The following ASAP1 variants were observed in gnomAD, a reference collection of about 807,000 sequenced individuals.
ASAP1 encodes the protein ArfGAP with SH3 domain, ankyrin repeat and PH domain 1.
ASAP1 carries 43 observed loss-of-function variants against 145.2 expected under a neutral mutation model. The ratio of observed to expected loss-of-function variants is 0.30; its 90% CI spans 0.23 to 0.38. ASAP1 has a LOEUF of 0.38. Ranked by LOEUF, ASAP1 falls within the 10% of genes least tolerant of loss-of-function variation. ASAP1 has a pLI of 1.00. For missense variants in ASAP1, 1,018 were observed against 1,355.3 expected (o/e 0.75, Z 3.91); for synonymous variants, 546 against 515.5 (o/e 1.06, Z -0.80).
chr8:130,101,323 C>T (rs2097528358), intron 24 of ASAP1, among the ~76,000 whole-genome samples: 1 of 152,086 alleles, frequency 6.6e-6, no homozygotes, highest in Admixed American at 6.6e-5. Flanking sequence ...TGAGGAATGT[C>T]ATTAGTATTT....
intron 24 of ASAP1, among the ~76,000 whole-genome samples, chr8:130,100,877 C>T (rs1204331082): frequency 6.6e-6 from 1 of 152,144 alleles, no homozygotes; most frequent in African/African-American, 2.4e-5. Flanking sequence ...GTTGCCTGTG[C>T]TTTTGATGTG....
chr8:130,170,222 C>T (rs1035256743), intron 9 of ASAP1, among the ~76,000 whole-genome samples: 4 of 151,574 alleles, frequency 2.6e-5, no homozygotes, highest in South Asian at 2.1e-4. Flanking sequence ...AGTCTCTCTT[C>T]GTTGCCCAGG....
intron 3 of ASAP1, among the ~76,000 whole-genome samples, chr8:130,335,753 G>C (rs1342432716): frequency 6.6e-6 from 1 of 152,202 alleles, no homozygotes; most frequent in Non-Finnish European, 1.5e-5. Flanking sequence ...GTCAGGGAGA[G>C]ATAGTCTGAG....
At chr8:130,185,743 AAAAAAGAAAAAG>A (rs1554841935) in intron 7 of ASAP1, among the ~76,000 whole-genome samples, 1 of 150,856 alleles carries the variant, frequency 6.6e-6, no homozygotes, top group Non-Finnish European at 1.5e-5. Flanking sequence ...AAAAAAAAAA[AAAAAAGAAAAAG>A]AAAAAGAAAA....
chr8:130,091,643 T>C (rs1463322365), intron 25 of ASAP1, among the ~76,000 whole-genome samples: 1 of 152,226 alleles, frequency 6.6e-6, no homozygotes, highest in African/African-American at 2.4e-5. Flanking sequence ...CTGGCTGTTG[T>C]GAGGAAAATG....
In ASAP1 at chr8:130,116,865, T is replaced by G; in HGVS notation, c.1996+15A>C. ...ACGCTTACTACAGTCATGAAGACAC[T>G]AGACACACTCTTACCTATATCCACA... On this transcript the variant is annotated intron_variant, in intron 21 of 29. Transcript: ENST00000518721. 1.2e-6 allele frequency: 2 copies of G among 1,604,392 alleles called. No homozygotes were observed. Among genetic ancestry groups the G allele is most frequent in the Non-Finnish European group, 8.5e-7 (1 of 1,171,534 alleles).
At chr8:130,190,954 G>A (rs1051034998) in intron 5 of ASAP1, among the ~76,000 whole-genome samples, 2 of 152,136 alleles carry the variant, frequency 1.3e-5, no homozygotes, top group African/African-American at 4.8e-5. Flanking sequence ...TGGGGACAGG[G>A]ACTTTGACTT....
chr8:130,172,482 T>C (rs1813656152), intron 9 of ASAP1, among the ~76,000 whole-genome samples: 1 of 152,204 alleles, frequency 6.6e-6, no homozygotes, highest in Non-Finnish European at 1.5e-5. Flanking sequence ...CCCAATTTTT[T>C]TTTTTAAAGG....
At chr8:130,178,337 C>T (rs1814108330) in intron 9 of ASAP1, among the ~76,000 whole-genome samples, 1 of 152,060 alleles carries the variant, frequency 6.6e-6, no homozygotes, top group South Asian at 2.1e-4. Context: ...CCATGTGTAG[C>T]TGGCACATTT....
intron 2 of ASAP1, among the ~76,000 whole-genome samples, chr8:130,378,255 A>G (rs1414282382): frequency 6.6e-6 from 1 of 152,240 alleles, no homozygotes; most frequent in South Asian, 2.1e-4. Context: ...ATTCCTATAT[A>G]GTTAATGGTG....
intron 27 of ASAP1, among the ~76,000 whole-genome samples, chr8:130,071,482 G>A (rs1451430658): frequency 1.3e-5 from 2 of 152,230 alleles, no homozygotes; most frequent in African/African-American, 4.8e-5. Context: ...GGAGTGGACT[G>A]AGGAGCTACT....
At position 130,179,266 on chromosome 8, in the gene ASAP1, G is replaced by A; in HGVS notation, c.744C>T (p.Cys248=). ...AATGCTTGCAATATTCTACTCACTT[G>A]CACTGTGCATGGTAATACTTTATAA... ...QNLIKYYHAQ[C]NFFQDGLKTA... The change falls in exon 9 of 30, where the codon TGC becomes TGT. Residue 248 remains cysteine (C), a splice_region_variant and synonymous_variant. Coordinates refer to ENST00000518721, the MANE Select transcript of ASAP1 (RefSeq NM_018482.4). 6.3e-7 allele frequency: 1 copy of A among 1,592,124 alleles called. No homozygotes were observed. Among genetic ancestry groups the A allele is most frequent in the Non-Finnish European group, 8.6e-7 (1 of 1,160,468 alleles).
intron 29 of ASAP1, among the ~76,000 whole-genome samples, chr8:130,055,519 G>C (rs1314012718): frequency 6.8e-6 from 1 of 146,304 alleles, no homozygotes; most frequent in African/African-American, 2.5e-5. Context: ...TGTGAGTAAA[G>C]TGTTGTTCTA....
chr8:130,342,659 A>G (rs1825459888), intron 3 of ASAP1, among the ~76,000 whole-genome samples: 2 of 152,234 alleles, frequency 1.3e-5, no homozygotes, highest in Admixed American at 6.5e-5. Flanking sequence ...TAACAAACTC[A>G]CATGACAAAG....
At chr8:130,230,384 G>A (rs1817841696) in intron 4 of ASAP1, among the ~76,000 whole-genome samples, 2 of 152,192 alleles carry the variant, frequency 1.3e-5, no homozygotes, top group East Asian at 1.9e-4. Context: ...GAAGCCTCGG[G>A]TTTTAATATT....
intron 2 of ASAP1, among the ~76,000 whole-genome samples, chr8:130,391,815 C>T (rs1828298498): frequency 6.6e-6 from 1 of 152,214 alleles, no homozygotes; most frequent in African/African-American, 2.4e-5. Context: ...GTGACAATCC[C>T]AGGCCAGAGG....
At chr8:130,371,142 A>G (rs900760995) in intron 2 of ASAP1, among the ~76,000 whole-genome samples, 1 of 152,232 alleles carries the variant, frequency 6.6e-6, no homozygotes, top group African/African-American at 2.4e-5. Context: ...TTTAGTATCT[A>G]CTATATACAA....
At chr8:130,350,455 C>T (rs1354946622) in intron 3 of ASAP1, among the ~76,000 whole-genome samples, 1 of 152,164 alleles carries the variant, frequency 6.6e-6, no homozygotes, top group Non-Finnish European at 1.5e-5. Context: ...GATACAAAGC[C>T]CTTCTAGGAA....
intron 5 of ASAP1, among the ~76,000 whole-genome samples, chr8:130,188,519 A>AGGT (rs780869553): frequency 7.2e-5 from 11 of 152,182 alleles, no homozygotes; most frequent in Non-Finnish European, 1.6e-4. Flanking sequence ...GGATCACTGG[A>AGGT]GGTCAGGAGT....
Sources: allele counts gnomAD v4.1 joint callset (sites outside exome capture counted in the v4.1 genomes callset), GRCh38; gene constraint gnomAD v4.1.1; transcripts MANE v1.5; gene names NCBI Gene and HGNC (gene_info 2026-07-23, HGNC 2026-07-21).